The following HDAC9 variants were observed in gnomAD, a reference collection of about 807,000 sequenced individuals.
HDAC9 encodes the protein histone deacetylase 9, also known as MEF-2 interacting transcription repressor (MITR) protein.
HDAC9 carries 41 observed loss-of-function variants against 139.4 expected under a neutral mutation model. That is an observed-to-expected ratio of 0.29 (90% confidence interval 0.23 to 0.38). The LOEUF (loss-of-function observed/expected upper bound fraction) is 0.38, where lower values mean the gene tolerates loss of function less well. Ranked by LOEUF, HDAC9 falls within the 10% of genes least tolerant of loss-of-function variation. The pLI is 1.00. For synonymous variants in HDAC9, 517 were observed against 476.2 expected, an observed-to-expected ratio of 1.09 and a Z score of -1.12; for missense variants, 1,147 against 1,297.0, an observed-to-expected ratio of 0.88 and a Z score of 1.78.
rs77927000 is a variant in HDAC9, at chr7:18,945,563, C to A, written c.2938-8583C>A. Among the ~76,000 whole-genome samples, 3 of 152,098 alleles carry A rather than the reference C, an allele frequency of 2.0e-5. No individual in the cohort carries two copies. In the South Asian group the frequency reaches 6.2e-4, roughly 32 times the overall value. On this transcript the variant is annotated intron_variant, in intron 23 of 25. Transcript: ENST00000686413. ...CTGTTTAAGTATTCTTTCTGGATTCCCAAAGTCAAGAAAAGATTATTTTTA... is the reference window on the plus strand; with the variant it reads ...CTGTTTAAGTATTCTTTCTGGATTCACAAAGTCAAGAAAAGATTATTTTTA...
intron 2 of HDAC9, among the ~76,000 whole-genome samples, chr7:18,254,442 A>C (rs1795109984): frequency 6.6e-6 from 1 of 152,232 alleles, no homozygotes; most frequent in African/African-American, 2.4e-5. Flanking sequence ...GGTGTTTGTG[A>C]AATATTAATT....
intron 1 of HDAC9, among the ~76,000 whole-genome samples, chr7:18,435,348 C>A (rs1791088805): frequency 6.6e-6 from 1 of 151,870 alleles, no homozygotes; most frequent in Non-Finnish European, 1.5e-5. Flanking sequence ...TACACCAAAC[C>A]CCCAAGACAT....
At chr7:18,975,750 T>C (rs541336515) in intron 24 of HDAC9, 56 bp from the exon 25 acceptor site, 13 of 1,535,970 alleles carry the variant, frequency 8.5e-6, no homozygotes, top group Non-Finnish European at 9.9e-6. Context: ...GTGAGTATTC[T>C]GATTATTACT....
At chr7:18,972,915 C>G (rs1422640895) in intron 24 of HDAC9, among the ~76,000 whole-genome samples, 2 of 152,154 alleles carry the variant, frequency 1.3e-5, no homozygotes, top group Non-Finnish European at 2.9e-5. Context: ...GTATCATTTC[C>G]AAAGATTATT....
At chr7:18,583,332 T>G (rs1331279109) in intron 2 of HDAC9, among the ~76,000 whole-genome samples, 1 of 152,110 alleles carries the variant, frequency 6.6e-6, no homozygotes, top group Non-Finnish European at 1.5e-5. Context: ...GTTACACACA[T>G]GAAAGAGTCA....
rs114839184 is a variant in HDAC9 at position 18,913,519 on chromosome 7, A to G, written c.2804-22290A>G. Reference sequence around the variant, plus strand: ...TTCCACCCACCTTTAAACAAATAATATGCGTAATTTTCTTTCTGTTTCCTT... The same window carrying G: ...TTCCACCCACCTTTAAACAAATAATGTGCGTAATTTTCTTTCTGTTTCCTT... On this transcript the variant is annotated intron_variant, in intron 22 of 25. Transcript: ENST00000686413. Among the ~76,000 whole-genome samples, 485 of 152,190 alleles carry G rather than the reference A, an allele frequency of 3.2e-3. 4 individuals are homozygous for G. Among genetic ancestry groups the G allele is most frequent in the African/African-American group, 0.011 (441 of 41,560 alleles).
At chr7:18,329,985 G>GTA in intron 1 of HDAC9, among the ~76,000 whole-genome samples, 1 of 11,014 alleles carries the variant, frequency 9.1e-5, no homozygotes, top group East Asian at 3.6e-3. Flanking sequence ...TTGTGTGTAT[G>GTA]TGTGTGTGTG....
chr7:18,724,720 T>A (rs967037578), intron 12 of HDAC9, among the ~76,000 whole-genome samples: 1 of 152,204 alleles, frequency 6.6e-6, no homozygotes, highest in African/African-American at 2.4e-5. Flanking sequence ...ATGTGGTCTA[T>A]CCTTGACCAA....
rs540599090 is a variant in HDAC9, at chr7:18,967,770, T to G, written c.3023-8036T>G. Among the ~76,000 whole-genome samples the G allele has an allele frequency of 2.0e-5, 3 of 152,286 alleles. No individual in the cohort carries two copies. In the East Asian group the frequency reaches 5.8e-4, roughly 29 times the overall value. On this transcript the variant is annotated intron_variant, in intron 24 of 25. Transcript: ENST00000686413. ...GCTTGATATTCTACCAATGAAAATC[T>G]AAGCTACTGTCAAAATTTTAAAACT...
intron 22 of HDAC9, among the ~76,000 whole-genome samples, chr7:18,877,388 A>C (rs562102892): frequency 3.9e-5 from 6 of 152,256 alleles, no homozygotes; most frequent in African/African-American, 1.4e-4. Context: ...GTCATCCTTT[A>C]TTGTGGGAGT....
chr7:18,464,463 T>C (rs17139248), intron 1 of HDAC9, among the ~76,000 whole-genome samples: 1,828 of 152,128 alleles, frequency 0.012, 30 homozygotes, highest in African/African-American at 0.041. Flanking sequence ...GCACATTATT[T>C]GTATTACCTG....
chr7:18,885,309 A>G (rs1377950048), intron 22 of HDAC9, among the ~76,000 whole-genome samples: 1 of 152,208 alleles, frequency 6.6e-6, no homozygotes, highest in African/African-American at 2.4e-5. Context: ...TGTTGTTGTT[A>G]TTGATGATAG....
chr7:18,332,371 G>A (rs1308003424), intron 1 of HDAC9, among the ~76,000 whole-genome samples: 1 of 93,190 alleles, frequency 1.1e-5, no homozygotes, highest in East Asian at 3.1e-4. Flanking sequence ...ATGTGTGTGT[G>A]TGTGTGTGTG....
intron 12 of HDAC9, chr7:18,667,070 T>C (rs1795059180): frequency 1.0e-6 from 1 of 985,398 alleles, no homozygotes; most frequent in South Asian, 4.7e-5. Context: ...GGTTATTGTG[T>C]AGGTTGCAAT....
chr7:18,176,408 C>T (rs1016271664), intron 2 of HDAC9, among the ~76,000 whole-genome samples: 3 of 152,264 alleles, frequency 2.0e-5, no homozygotes, highest in African/African-American at 7.2e-5. Context: ...TTTGGTTTGT[C>T]ACTGGAATTC....
chr7:18,323,709 C>T (rs117987463), intron 1 of HDAC9, among the ~76,000 whole-genome samples: 2,043 of 152,230 alleles, frequency 0.013, 28 homozygotes, highest in Non-Finnish European at 0.017. Flanking sequence ...ACCCTGGTAA[C>T]TGTAATAGTC....
chr7:18,482,127 C>T (rs1405113459), intron 1 of HDAC9, among the ~76,000 whole-genome samples: 2 of 151,802 alleles, frequency 1.3e-5, no homozygotes, highest in African/African-American at 4.8e-5. Context: ...TCTGCACTTT[C>T]TCTGCAAAAT....
intron 6 of HDAC9, among the ~76,000 whole-genome samples, chr7:18,627,109 C>T (rs1248785331): frequency 6.6e-6 from 1 of 152,192 alleles, no homozygotes; most frequent in Non-Finnish European, 1.5e-5. Flanking sequence ...CTATGTTTCA[C>T]AAATGAAGAA....
At chr7:18,945,641 T>C (rs1782325856) in intron 23 of HDAC9, among the ~76,000 whole-genome samples, 1 of 152,192 alleles carries the variant, frequency 6.6e-6, no homozygotes, top group Non-Finnish European at 1.5e-5. Flanking sequence ...AACATTTAGA[T>C]GCATAGTTCA....
Sources: gnomAD v4.1 joint callset for allele counts (sites outside exome capture counted in the v4.1 genomes callset) on GRCh38, gnomAD v4.1.1 for gene constraint, MANE v1.5 for transcripts, NCBI Gene and HGNC (gene_info 2026-07-23, HGNC 2026-07-21) for gene names.